Variants in IGFBP3 observed in about 807,000 individuals in gnomAD.
IGFBP3 encodes insulin-like growth factor-binding protein 3.
Under a neutral mutation model 28.6 loss-of-function variants are expected in IGFBP3, and 9 were observed. The observed-to-expected ratio is 0.31, with a 90% confidence interval of 0.19 to 0.55. The LOEUF is 0.55. IGFBP3 is among the 20% of genes least tolerant of loss of function. IGFBP3 has a pLI of 0.93. For missense variants in IGFBP3, 382 were observed against 428.9 expected, an observed-to-expected ratio of 0.89 and a Z score of 0.97; for synonymous variants, 185 against 188.2, an observed-to-expected ratio of 0.98 and a Z score of 0.14.
Position 45,914,877 on chromosome 7 carries a change from T to C in IGFBP3, c.819A>G (p.Pro273=), listed in dbSNP as rs746915700. 8 of 1,614,024 alleles carry C rather than the reference T, an allele frequency of 5.0e-6. No individual in the cohort carries two copies. Among genetic ancestry groups the C allele is most frequent in the South Asian group, 1.1e-5 (1 of 91,088 alleles). The change falls in exon 4 of 5, where the codon CCA becomes CCG. Residue 273 remains proline, a synonymous_variant. Transcript: ENST00000613132. ...WCVDKYGQPL[P]GYTTKGKEDV... is the part of the protein sequence containing the mutation. Reference sequence around the variant, plus strand: ...CCTCCTTCCCCTTGGTGGTGTAGCCTGGGAGAGGCTGCCCATACTTATCCA... The same window carrying C: ...CCTCCTTCCCCTTGGTGGTGTAGCCCGGGAGAGGCTGCCCATACTTATCCA...
chr7:45,914,892 A>G lies in IGFBP3; in HGVS notation c.804T>C (p.Tyr268=), dbSNP rs746699820. 1 of 1,614,106 alleles carries G rather than the reference A, an allele frequency of 6.2e-7. No homozygotes were observed. Among genetic ancestry groups the G allele is most frequent in the Non-Finnish European group, 8.5e-7 (1 of 1,179,986 alleles). Residue 268 remains tyrosine (Y), a synonymous_variant, in exon 4 of 5, where the codon TAT becomes TAC. Transcript: ENST00000613132. ...KRGFCWCVDK[Y]GQPLPGYTTK... is the part of the protein sequence containing the mutation. ...TGGTGTAGCCTGGGAGAGGCTGCCC[A>G]TACTTATCCACACACCAGCAGAAGC...
intron 4 of IGFBP3, chr7:45,914,271 A>T (rs1689462781): frequency 6.6e-6 from 1 of 152,206 alleles, no homozygotes; most frequent in Non-Finnish European, 1.5e-5. Flanking sequence ...AATTAACTTT[A>T]TTAAAATTAT....
intron 3 of IGFBP3, 30 bp downstream of exon 3, chr7:45,916,518 G>C: frequency 6.3e-7 from 1 of 1,599,928 alleles, no homozygotes; most frequent in Non-Finnish European, 8.6e-7. Flanking sequence ...CAACAGAAGA[G>C]GAAGAAAACA....
In IGFBP3 at chr7:45,912,443, A is replaced by G. The variant is rs911738805; in HGVS notation, c.*1407T>C. 6.6e-6 allele frequency: 1 copy of G among 152,194 alleles called. No individual in the cohort carries two copies. The highest frequency in any genetic ancestry group is 1.5e-5 in the Non-Finnish European group (1 of 68,026). 9.4% of individuals were successfully genotyped at this position (152,194 alleles called of 1,614,324 possible). A position where few individuals can be genotyped will look rare whatever the true frequency, so the allele number is the denominator to read the frequency against. The stretch of plus-strand genomic sequence containing the variant: ...ACTTTTCCCCCCAAAAAGTTAAAAA[A>G]ATAAAGAAAAGCTAATAGGTAGGCA... On this transcript the variant is annotated 3_prime_UTR_variant, in exon 5 of 5. Transcript: ENST00000613132.
At chr7:45,920,682 C>A in intron 1 of IGFBP3, 56 bp downstream of exon 1, 3 of 1,318,456 alleles carry the variant, frequency 2.3e-6, no homozygotes, top group South Asian at 2.0e-5. Flanking sequence ...CCCCCAGGCC[C>A]TTCGGCGCCA....
intron 2 of IGFBP3, 34 bp downstream of exon 2, chr7:45,917,179 G>A (rs1361382088): frequency 6.5e-7 from 1 of 1,539,150 alleles, no homozygotes; most frequent in African/African-American, 1.4e-5. Context: ...GGCAGGTCTT[G>A]CCCTCCTCCT....
At chr7:45,918,963 T>C (rs1346418237) in intron 1 of IGFBP3, among the ~76,000 whole-genome samples, 1 of 151,424 alleles carries the variant, frequency 6.6e-6, no homozygotes, top group Admixed American at 6.6e-5. Flanking sequence ...CTTAGCTTGC[T>C]TTCTTTTTCA....
chr7:45,919,171 T>A (rs535446039), intron 1 of IGFBP3, among the ~76,000 whole-genome samples: 17 of 152,356 alleles, frequency 1.1e-4, no homozygotes, highest in African/African-American at 3.8e-4. Flanking sequence ...GACTTTTGAC[T>A]GTCGAAAATT....
Position 45,921,212 on chromosome 7 carries a change from A to T in IGFBP3, c.-72T>A. ...GATGGGGCGACAGTACACGGCGCGA[A>T]GCTGTGGAATCCAGGCAGGAAGCGG... On this transcript the variant is annotated 5_prime_UTR_variant, in exon 1 of 5. Coordinates refer to ENST00000613132, the MANE Select transcript of IGFBP3 (RefSeq NM_000598.5). 6.8e-7 allele frequency: 1 copy of T among 1,466,700 alleles called. No individual in the cohort carries two copies. Among genetic ancestry groups the T allele is most frequent in the Non-Finnish European group, 9.1e-7 (1 of 1,094,402 alleles). 90.9% of individuals were successfully genotyped at this position (1,466,700 alleles called of 1,614,324 possible).
intron 1 of IGFBP3, among the ~76,000 whole-genome samples, chr7:45,918,172 T>A (rs989175485): frequency 6.6e-6 from 1 of 152,060 alleles, no homozygotes. Context: ...GGTGCCTGCC[T>A]AAGTGAGTCC....
At chr7:45,915,074 T>G in intron 3 of IGFBP3, 129 bp from the exon 4 acceptor site, 2 of 1,134,954 alleles carry the variant, frequency 1.8e-6, no homozygotes, top group Non-Finnish European at 2.5e-6. Flanking sequence ...AAATTTCAGC[T>G]AAGGCAACAC....
rs1314912777 is a variant in IGFBP3, at chr7:45,912,987, G to A, written c.*863C>T. On this transcript the variant is annotated 3_prime_UTR_variant, in exon 5 of 5. Coordinates refer to ENST00000613132, the MANE Select transcript of IGFBP3 (RefSeq NM_000598.5). ...TCCTCAGAAATAAGCTTCGTCTTGA[G>A]TTGTTGAACTACAAAACACTATTTT... The A allele has an allele frequency of 1.3e-5, 2 of 152,162 alleles. No homozygotes were observed. The highest frequency in any genetic ancestry group is 2.9e-5 in the Non-Finnish European group (2 of 68,040). The allele number at this position is 152,162 out of a possible 1,614,324, so 9.4% of individuals were successfully genotyped here. A position where few individuals can be genotyped will look rare whatever the true frequency, so the allele number is the denominator to read the frequency against.
chr7:45,919,263 GCTA>G (rs901169760), intron 1 of IGFBP3, among the ~76,000 whole-genome samples: 10 of 152,166 alleles, frequency 6.6e-5, no homozygotes, highest in African/African-American at 2.2e-4. Flanking sequence ...ATACTACAGT[GCTA>G]CTAAGGTGGT....
intron 1 of IGFBP3, 89 bp from the exon 2 acceptor site, chr7:45,917,528 T>C: frequency 1.9e-6 from 2 of 1,071,742 alleles, no homozygotes; most frequent in Non-Finnish European, 1.3e-6. Flanking sequence ...CCAGGTCACA[T>C]GTAAATGACA....
At chr7:45,918,744 C>T (rs1784645950) in intron 1 of IGFBP3, among the ~76,000 whole-genome samples, 3 of 152,206 alleles carry the variant, frequency 2.0e-5, no homozygotes, top group Admixed American at 2.0e-4. Flanking sequence ...CTGGAAGTGG[C>T]TACTGGCAGG....
In IGFBP3 at chr7:45,920,769, G is replaced by A; in HGVS notation, c.372C>T (p.Arg124=). 1 of 1,421,982 alleles carries A rather than the reference G, an allele frequency of 7.0e-7. No homozygotes were observed. The highest frequency in any genetic ancestry group is 9.1e-7 in the Non-Finnish European group (1 of 1,096,300). The allele number at this position is 1,421,982 out of a possible 1,614,324, so 88.1% of individuals were successfully genotyped here. A position where few individuals can be genotyped will look rare whatever the true frequency, so the allele number is the denominator to read the frequency against. Reference sequence around the variant, plus strand: ...CTGGCGGCGCTGGCAGCAGGTAGGCGCGCAGGCGGCTGACGGCACTAGCGT... The same window carrying A: ...CTGGCGGCGCTGGCAGCAGGTAGGCACGCAGGCGGCTGACGGCACTAGCGT... ...CVNASAVSRL[R]AYLLPAPPAP... Residue 124 remains arginine, a synonymous_variant, in exon 1 of 5, where the codon CGC becomes CGT. Coordinates refer to ENST00000613132, the MANE Select transcript of IGFBP3 (RefSeq NM_000598.5).
rs1231950613 is a variant in IGFBP3, at chr7:45,912,728, A to G, written c.*1122T>C. 1 of 152,662 alleles carries G rather than the reference A, an allele frequency of 6.6e-6. No individual in the cohort carries two copies. The highest frequency in any genetic ancestry group is 1.5e-5 in the Non-Finnish European group (1 of 68,044). 9.5% of individuals were successfully genotyped at this position (152,662 alleles called of 1,614,324 possible). On this transcript the variant is annotated 3_prime_UTR_variant, in exon 5 of 5. Transcript: ENST00000613132. ...TATATTTGGGGCTATGTTGTATACA[A>G]TGTTAACAAGAACATATCTTCTCTG...
chr7:45,913,872 C>T (rs1244367111), intron 4 of IGFBP3, 38 bp from the exon 5 acceptor site: 5 of 151,886 alleles, frequency 3.3e-5, no homozygotes, highest in Admixed American at 2.0e-4. Context: ...TGAAATAATC[C>T]CCCCAAAATC....
At chr7:45,918,204 G>A (rs1372139000) in intron 1 of IGFBP3, among the ~76,000 whole-genome samples, 1 of 151,524 alleles carries the variant, frequency 6.6e-6, no homozygotes, top group Non-Finnish European at 1.5e-5. Context: ...GGTGAACACA[G>A]CAGCACATGG....
Sources: allele counts gnomAD v4.1 joint callset (sites outside exome capture counted in the v4.1 genomes callset), GRCh38; gene constraint gnomAD v4.1.1; transcripts MANE v1.5; gene names NCBI Gene and HGNC (gene_info 2026-07-23, HGNC 2026-07-21).